HECTD2: variants seen among roughly 807,000 people sequenced by gnomAD.
HECTD2 encodes the protein probable E3 ubiquitin-protein ligase HECTD2.
Under a neutral mutation model 103.2 loss-of-function variants are expected in HECTD2, and 35 were observed. That is an observed-to-expected ratio of 0.34 (90% confidence interval 0.26 to 0.45). HECTD2 has a LOEUF of 0.45. Among genes scored for constraint, HECTD2 ranks in the 20% least tolerant of loss-of-function variants. HECTD2 has a pLI of 1.00. For missense variants in HECTD2, 596 were observed against 937.4 expected (o/e 0.64, Z 4.76); for synonymous variants, 281 against 329.9 (o/e 0.85, Z 1.61).
chr10:91,435,822 C>T (rs1358551859), intron 2 of HECTD2, among the ~76,000 whole-genome samples: 1 of 151,978 alleles, frequency 6.6e-6, no homozygotes, highest in Non-Finnish European at 1.5e-5. Flanking sequence ...TTTCTCTCCT[C>T]TGTATTTTCT....
chr10:91,444,802 A>C (rs1844526493), intron 2 of HECTD2, among the ~76,000 whole-genome samples: 1 of 152,216 alleles, frequency 6.6e-6, no homozygotes, highest in African/African-American at 2.4e-5. Flanking sequence ...CTTTTTCTGC[A>C]ATACAGAATA....
chr10:91,464,306 T>C (rs1430089938), intron 5 of HECTD2, among the ~76,000 whole-genome samples: 2 of 152,200 alleles, frequency 1.3e-5, no homozygotes, highest in East Asian at 3.8e-4. Flanking sequence ...GGTGTTTACA[T>C]TTTGAACAGT....
At chr10:91,509,843 G>T (rs1378343509) in intron 20 of HECTD2, among the ~76,000 whole-genome samples, 1 of 152,068 alleles carries the variant, frequency 6.6e-6, no homozygotes, top group Non-Finnish European at 1.5e-5. Context: ...TATTACCTGG[G>T]TGATGAGATA....
At chr10:91,467,437 C>T (rs1845570278) in intron 5 of HECTD2, among the ~76,000 whole-genome samples, 2 of 152,146 alleles carry the variant, frequency 1.3e-5, no homozygotes, top group South Asian at 4.1e-4. Context: ...GTGGTCTTGC[C>T]TGTGAGATGG....
At chr10:91,490,009 A>G (rs1322016094) in intron 11 of HECTD2, 1 of 152,192 alleles carries the variant, frequency 6.6e-6, no homozygotes, top group East Asian at 1.9e-4. Context: ...GACAAATGAC[A>G]TATTCCTTAT....
intron 1 of HECTD2, among the ~76,000 whole-genome samples, chr10:91,424,886 A>G (rs965899581): frequency 6.6e-6 from 1 of 152,114 alleles, no homozygotes; most frequent in African/African-American, 2.4e-5. Context: ...CATGCATCCT[A>G]TTTATTAAAA....
chr10:91,508,722 C>A (rs1236322652), intron 20 of HECTD2, among the ~76,000 whole-genome samples: 1 of 149,892 alleles, frequency 6.7e-6, no homozygotes, highest in Non-Finnish European at 1.5e-5. Flanking sequence ...GTGGCGATTC[C>A]TCAGGGATCT....
intron 20 of HECTD2, among the ~76,000 whole-genome samples, chr10:91,504,096 G>A (rs1847036472): frequency 6.6e-6 from 1 of 152,060 alleles, no homozygotes; most frequent in Non-Finnish European, 1.5e-5. Context: ...CTAACAAACA[G>A]AAAGGACATC....
At chr10:91,472,391 C>A (rs1845759256) in intron 5 of HECTD2, among the ~76,000 whole-genome samples, 1 of 152,158 alleles carries the variant, frequency 6.6e-6, no homozygotes, top group South Asian at 2.1e-4. Context: ...TGGACATAGG[C>A]CCTAGCAAAG....
In HECTD2 at chr10:91,490,867, G is replaced by A. The variant is rs1210119230; in HGVS notation, c.1192-333G>A. Among the ~76,000 whole-genome samples the A allele has an allele frequency of 2.2e-5, 3 of 136,870 alleles. No individual in the cohort carries two copies. In the South Asian group the frequency reaches 6.9e-4, roughly 31 times the overall value. The allele number at this position is 136,870 out of a possible 152,430, so 89.8% of individuals were successfully genotyped here. On this transcript the variant is annotated intron_variant, in intron 11 of 20. Coordinates refer to ENST00000298068, the MANE Select transcript of HECTD2 (RefSeq NM_182765.6). ...GATAGCGCCACTGCAGTCCAGCTTG[G>A]GCGAAAGAGTGAGACTCCGTCTCAA...
chr10:91,456,867 A>C (rs530093147), intron 2 of HECTD2, among the ~76,000 whole-genome samples: 1 of 152,246 alleles, frequency 6.6e-6, no homozygotes, highest in African/African-American at 2.4e-5. Context: ...GTGAAACTGA[A>C]AACAGAAAAA....
chr10:91,454,241 G>T (rs1159968924), intron 2 of HECTD2, among the ~76,000 whole-genome samples: 1 of 152,156 alleles, frequency 6.6e-6, no homozygotes. Context: ...TCAAGTGCCA[G>T]TGGGACATAC....
chr10:91,431,840 T>C (rs77702525), intron 2 of HECTD2, among the ~76,000 whole-genome samples: 1 of 152,084 alleles, frequency 6.6e-6, no homozygotes, highest in Non-Finnish European at 1.5e-5. Flanking sequence ...CTCCTGTAGC[T>C]CGGAGTAGTT....
At chr10:91,511,062 C>T (rs187064423) in intron 20 of HECTD2, among the ~76,000 whole-genome samples, 24 of 152,340 alleles carry the variant, frequency 1.6e-4, no homozygotes, top group African/African-American at 5.1e-4. Flanking sequence ...TGAGTAAATG[C>T]TGATTCTAGT....
At chr10:91,413,549 GT>G (rs1843005313) in intron 1 of HECTD2, among the ~76,000 whole-genome samples, 1 of 152,214 alleles carries the variant, frequency 6.6e-6, no homozygotes, top group African/African-American at 2.4e-5. Context: ...TTCTGGGGAT[GT>G]TGCTCAGGCA....
Position 91,513,050 on chromosome 10 carries a change from A to G in HECTD2, c.*666A>G, listed in dbSNP as rs530076309. 2 of 152,772 alleles carry G rather than the reference A, an allele frequency of 1.3e-5. No homozygotes were observed. Among genetic ancestry groups the G allele is most frequent in the African/African-American group, 4.8e-5 (2 of 41,584 alleles). The allele number at this position is 152,772 out of a possible 1,614,324, so 9.5% of individuals were successfully genotyped here. ...ATGTGTACACAGCTTTTACAAATCAATAAAGATGATTGTACAAGAGTATTT... is the reference window on the plus strand; with the variant it reads ...ATGTGTACACAGCTTTTACAAATCAGTAAAGATGATTGTACAAGAGTATTT... On this transcript the variant is annotated 3_prime_UTR_variant, in exon 21 of 21. Transcript: ENST00000298068.
chr10:91,499,792 A>G (rs1846821846), intron 18 of HECTD2, among the ~76,000 whole-genome samples: 1 of 152,146 alleles, frequency 6.6e-6, no homozygotes, highest in African/African-American at 2.4e-5. Flanking sequence ...AAGATCTTTC[A>G]TTTGAATTAT....
chr10:91,412,754 A>G (rs1444630506), intron 1 of HECTD2, among the ~76,000 whole-genome samples: 1 of 151,864 alleles, frequency 6.6e-6, no homozygotes, highest in Non-Finnish European at 1.5e-5. Flanking sequence ...GAAAAGCTTA[A>G]GTGTAGAAAA....
chr10:91,462,579 A>T (rs566339429), intron 5 of HECTD2: 1 of 1,022,944 alleles, frequency 9.8e-7, no homozygotes, highest in South Asian at 4.8e-5. Flanking sequence ...TCTTGGGTGA[A>T]GCCCAAGAAT....
Sources: allele counts gnomAD v4.1 joint callset (sites outside exome capture counted in the v4.1 genomes callset), GRCh38; gene constraint gnomAD v4.1.1; transcripts MANE v1.5; gene names NCBI Gene and HGNC (gene_info 2026-07-23, HGNC 2026-07-21).